The following LPO variants were observed in gnomAD, a reference collection of about 807,000 sequenced individuals.
The protein encoded by LPO is lactoperoxidase.
Under a neutral mutation model 68.4 loss-of-function variants are expected in LPO, and 70 were observed. The ratio of observed to expected loss-of-function variants is 1.02; its 90% CI spans 0.84 to 1.25. LPO has a LOEUF of 1.25. LPO is among the 50% of genes most tolerant of loss of function. LPO has a pLI of 0.00. For missense variants in LPO, 873 were observed against 908.4 expected (o/e 0.96, Z 0.50); for synonymous variants, 360 against 357.6 (o/e 1.01, Z -0.08).
chr17:58,255,417 G>A (rs1485397042), intron 9 of LPO, among the ~76,000 whole-genome samples: 1 of 152,250 alleles, frequency 6.6e-6, no homozygotes, highest in Non-Finnish European at 1.5e-5. Context: ...TACAAAGGTT[G>A]ATGTGTTGAT....
In LPO at chr17:58,264,877, T is replaced by C. The variant is rs1448170039; in HGVS notation, c.1422T>C (p.Ser474=). 3 of 1,614,242 alleles carry C rather than the reference T, an allele frequency of 1.9e-6. No individual in the cohort carries two copies. Among genetic ancestry groups the C allele is most frequent in the Admixed American group, 1.7e-5 (1 of 60,026 alleles). ...FRFGHLEVPS[S]MFRLDENYQP... is the part of the protein sequence containing the mutation. ...TTGGCCACTTGGAGGTCCCCTCTAG[T>C]ATGTTCCGCCTGGATGAGAATTATC... The change falls in exon 10 of 13, where the codon AGT becomes AGC. Residue 474 remains serine, a synonymous_variant. Coordinates refer to ENST00000262290, the MANE Select transcript of LPO (RefSeq NM_006151.3).
rs67390833 is a variant in LPO, at chr17:58,244,090, GACACACACACACAC to G, written c.164+38_164+51del. The G allele has an allele frequency of 1.2e-3, 1,260 of 1,060,920 alleles. No individual in the cohort carries two copies. The highest frequency in any genetic ancestry group is 1.4e-3 in the Non-Finnish European group (995 of 706,764). The allele number at this position is 1,060,920 out of a possible 1,614,324, so 65.7% of individuals were successfully genotyped here. On this transcript the variant is annotated intron_variant, in intron 3 of 12. Coordinates refer to ENST00000262290, the MANE Select transcript of LPO (RefSeq NM_006151.3). ...CTGGACTCCCGAACCAGGTACGTGA[GACACACACACACAC>G]ACACACACACACACACACACACACA...
chr17:58,257,035 T>C (rs28872572), intron 9 of LPO, among the ~76,000 whole-genome samples: 4,915 of 142,292 alleles, frequency 0.035, 328 homozygotes, highest in African/African-American at 0.12. Context: ...TCTTGCTCTG[T>C]TGCCCAGGCT....
intron 9 of LPO, among the ~76,000 whole-genome samples, chr17:58,260,817 A>G (rs1236392726): frequency 6.6e-6 from 1 of 152,052 alleles, no homozygotes; most frequent in Non-Finnish European, 1.5e-5. Context: ...CCTCCCACAA[A>G]TTTTGATATA....
chr17:58,259,698 T>A (rs1414825801), intron 9 of LPO, among the ~76,000 whole-genome samples: 2 of 152,258 alleles, frequency 1.3e-5, no homozygotes, highest in East Asian at 3.8e-4. Context: ...AGTTTTCCAA[T>A]CCATAAACTA....
rs756006693 is a variant in LPO, at chr17:58,267,972, C to T, written c.2117C>T (p.Pro706Leu). Reference sequence around the variant, plus strand: ...GCCATCGACAAGCTGGACCTGTCACCCTGGGCCTCAGTGAAGAATTAGGGG... The same window carrying T: ...GCCATCGACAAGCTGGACCTGTCACTCTGGGCCTCAGTGAAGAATTAGGGG... ...CSAIDKLDLS[P>L]WASVKN The change falls in exon 13 of 13, where the codon CCC becomes CTC. Residue 706 changes from proline (P) to leucine (L), a missense_variant. Physicochemically the swap from Pro to Leu is moderately conservative, Grantham distance 98. Coordinates refer to ENST00000262290, the MANE Select transcript of LPO (RefSeq NM_006151.3). 9.3e-6 allele frequency: 15 copies of T among 1,613,922 alleles called. No homozygotes were observed. The highest frequency in any genetic ancestry group is 5.0e-5 in the Admixed American group (3 of 60,016).
chr17:58,249,292 C>T, intron 5 of LPO, 115 bp downstream of exon 5: 1 of 995,214 alleles, frequency 1.0e-6, no homozygotes, highest in Non-Finnish European at 1.5e-6. Flanking sequence ...CCCACCTGGG[C>T]TGGCGTTCCC....
chr17:58,265,293 C>A (rs1440959928), intron 10 of LPO, among the ~76,000 whole-genome samples: 4 of 152,152 alleles, frequency 2.6e-5, no homozygotes, highest in African/African-American at 7.2e-5. Flanking sequence ...TCCCTACCTC[C>A]TTTCCCCGCC....
At chr17:58,252,761 C>T (rs1187433826) in intron 8 of LPO, among the ~76,000 whole-genome samples, 1 of 150,566 alleles carries the variant, frequency 6.6e-6, no homozygotes, top group African/African-American at 2.4e-5. Flanking sequence ...TGGTGGCTCA[C>T]GCCTGTAATC....
At chr17:58,258,933 G>GGACTATTTGACTAT (rs1448122342) in intron 9 of LPO, among the ~76,000 whole-genome samples, 1 of 151,964 alleles carries the variant, frequency 6.6e-6, no homozygotes, top group Non-Finnish European at 1.5e-5. Flanking sequence ...GACTTGTAAT[G>GGACTATTTGACTAT]TTGAGTTTTG....
At position 58,244,309 on chromosome 17, in the gene LPO, G is replaced by A. The variant is rs151319593; in HGVS notation, c.164+228G>A. 37 of 558,950 alleles carry A rather than the reference G, an allele frequency of 6.6e-5. 1 individual carries two copies. The East Asian group carries it at 9.8e-4, about 15-fold the overall frequency. The allele number at this position is 558,950 out of a possible 1,614,324, so 34.6% of individuals were successfully genotyped here. A position where few individuals can be genotyped will look rare whatever the true frequency, so the allele number is the denominator to read the frequency against. Reference sequence around the variant, plus strand: ...TCAGCCTGTACATCACCTGAAAGAGGACATCTAATCTAACCCTAGAAGGAC... The same window carrying A: ...TCAGCCTGTACATCACCTGAAAGAGAACATCTAATCTAACCCTAGAAGGAC... On this transcript the variant is annotated intron_variant, in intron 3 of 12. Transcript: ENST00000262290.
In LPO at chr17:58,249,708, C is replaced by T. The variant is rs1272787496; in HGVS notation, c.573+13C>T. On this transcript the variant is annotated intron_variant, in intron 6 of 12. Transcript: ENST00000262290. ...CCCTCTCCCGCTGGTGAGGGCAGGC[C>T]GGGCCGGGGTGAAGGATGGGAGCCA... 6.4e-7 allele frequency: 1 copy of T among 1,550,522 alleles called. No homozygotes were observed. The highest frequency in any genetic ancestry group is 8.6e-7 in the Non-Finnish European group (1 of 1,156,972).
rs756162415 is a variant in LPO at position 58,249,633 on chromosome 17, G to C, written c.511G>C (p.Gly171Arg). 2.5e-6 allele frequency: 4 copies of C among 1,601,262 alleles called. No individual in the cohort carries two copies. The highest frequency in any genetic ancestry group is 3.4e-6 in the Non-Finnish European group (4 of 1,178,590). ...CTGGCTGCCCGCGGAGTACGAGGAC[G>C]GGCTCTCCCTGCCCTTCGGCTGGAC... ...ARWLPAEYEDGLSLPFGWTPG... is the reference protein window; with the variant it reads ...ARWLPAEYEDRLSLPFGWTPG... The change falls in exon 6 of 13, where the codon GGG becomes CGG. Residue 171 changes from glycine to arginine, a missense_variant. Transcript: ENST00000262290.
intron 3 of LPO, 64 bp downstream of exon 3, chr17:58,244,145 G>T: frequency 1.5e-6 from 2 of 1,310,716 alleles, no homozygotes; most frequent in Non-Finnish European, 2.2e-6. Flanking sequence ...CCCTTCACAG[G>T]CTTCCTGTTC....
At chr17:58,259,440 C>T (rs1011720160) in intron 9 of LPO, among the ~76,000 whole-genome samples, 1 of 152,112 alleles carries the variant, frequency 6.6e-6, no homozygotes, top group Admixed American at 6.5e-5. Context: ...TATTCTCTTC[C>T]ATTGGTTTGT....
At chr17:58,267,756 C>G in intron 12 of LPO, 31 bp from the exon 13 acceptor site, 1 of 1,601,142 alleles carries the variant, frequency 6.2e-7, no homozygotes, top group Non-Finnish European at 8.6e-7. Context: ...AGCGGCCAGA[C>G]TGTGGAGTGA....
rs182221990 is a variant in LPO at position 58,246,201 on chromosome 17, C to G, written c.165-1277C>G. Among the ~76,000 whole-genome samples, 3 of 152,170 alleles carry G rather than the reference C, an allele frequency of 2.0e-5. No homozygotes were observed. The East Asian group carries it at 5.8e-4, about 29-fold the overall frequency. ...GCATAGGGTCTGAGGCAGGAAAGAC[C>G]GTGGGTGCTCAGGAAAAGGAAGGCC... On this transcript the variant is annotated intron_variant, in intron 3 of 12. Coordinates refer to ENST00000262290, the MANE Select transcript of LPO (RefSeq NM_006151.3).
intron 9 of LPO, among the ~76,000 whole-genome samples, chr17:58,264,114 T>C (rs2143942313): frequency 6.6e-6 from 1 of 152,324 alleles, no homozygotes. Context: ...GTATGCATTC[T>C]GTAGGATTAT....
At position 58,266,353 on chromosome 17, in the gene LPO, T is replaced by C. The variant is rs763413255; in HGVS notation, c.1693+27T>C. 7.5e-6 allele frequency: 12 copies of C among 1,605,962 alleles called. No homozygotes were observed. In the East Asian group the frequency reaches 2.7e-4, roughly 36 times the overall value. On this transcript the variant is annotated intron_variant, in intron 11 of 12. Coordinates refer to ENST00000262290, the MANE Select transcript of LPO (RefSeq NM_006151.3). ...TGAGTGTCTGAAGTCTGGCCTGCAC[T>C]GGGGAAATTTTAGCTAACTTTCTAG...
Sources: gnomAD v4.1 joint callset for allele counts (sites outside exome capture counted in the v4.1 genomes callset) on GRCh38, gnomAD v4.1.1 for gene constraint, MANE v1.5 for transcripts, NCBI Gene and HGNC (gene_info 2026-07-23, HGNC 2026-07-21) for gene names.